The following CCSER1 variants were observed in gnomAD, a reference collection of about 807,000 sequenced individuals.
CCSER1 encodes the protein serine-rich coiled-coil domain-containing protein 1.
A neutral mutation model predicts 82.0 loss-of-function variants in CCSER1; 41 were observed. The ratio of observed to expected loss-of-function variants is 0.50; its 90% CI spans 0.39 to 0.65. The LOEUF is 0.65. CCSER1 is among the 30% of genes least tolerant of loss of function. The pLI, the probability that CCSER1 is intolerant of heterozygous loss-of-function variation, is 0.00. For missense variants in CCSER1, 1,119 were observed against 1,064.2 expected, an observed-to-expected ratio of 1.05 and a Z score of -0.72; for synonymous variants, 414 against 383.9, an observed-to-expected ratio of 1.08 and a Z score of -0.92.
chr4:90,958,858 A>C (rs951257471), intron 9 of CCSER1, among the ~76,000 whole-genome samples: 1 of 152,194 alleles, frequency 6.6e-6, no homozygotes, highest in Non-Finnish European at 1.5e-5. Flanking sequence ...TTGCTCTAGT[A>C]GCCTGAGCAG....
At chr4:91,557,039 T>C (rs1406737210) in intron 10 of CCSER1, among the ~76,000 whole-genome samples, 1 of 150,832 alleles carries the variant, frequency 6.6e-6, no homozygotes, top group East Asian at 1.9e-4. Flanking sequence ...ATAAATGTTT[T>C]CTGTGACACT....
At chr4:90,232,583 A>G (rs977328017) in intron 1 of CCSER1, among the ~76,000 whole-genome samples, 12 of 146,060 alleles carry the variant, frequency 8.2e-5, no homozygotes, top group East Asian at 4.1e-4. Flanking sequence ...CATGTCTAAA[A>G]CACCAAAAGC....
chr4:91,284,706 G>A (rs1263834660), intron 10 of CCSER1, among the ~76,000 whole-genome samples: 1 of 152,008 alleles, frequency 6.6e-6, no homozygotes, highest in Non-Finnish European at 1.5e-5. Flanking sequence ...GACTGCTACA[G>A]CAAGACACCC....
chr4:90,789,125 TCA>T (rs940473407), intron 7 of CCSER1, among the ~76,000 whole-genome samples: 2 of 152,208 alleles, frequency 1.3e-5, no homozygotes, highest in Admixed American at 6.5e-5. Flanking sequence ...CTTTTTACTT[TCA>T]GTTTATTTCT....
At chr4:91,457,705 G>T (rs935534532) in intron 10 of CCSER1, among the ~76,000 whole-genome samples, 1 of 151,822 alleles carries the variant, frequency 6.6e-6, no homozygotes, top group Non-Finnish European at 1.5e-5. Flanking sequence ...TTTTACTTGA[G>T]ATTTTTTTGT....
intron 10 of CCSER1, among the ~76,000 whole-genome samples, chr4:91,202,291 T>G (rs575369356): frequency 3.5e-4 from 53 of 152,042 alleles, no homozygotes; most frequent in African/African-American, 1.2e-3. Context: ...CCCATTTGCA[T>G]GGTGCAAGAT....
chr4:90,787,273 G>T (rs988214286), intron 7 of CCSER1, among the ~76,000 whole-genome samples: 1 of 152,136 alleles, frequency 6.6e-6, no homozygotes, highest in East Asian at 1.9e-4. Flanking sequence ...AAGAAAGAAA[G>T]GAGAGAGATT....
At chr4:90,304,012 G>A (rs1046463359) in intron 1 of CCSER1, among the ~76,000 whole-genome samples, 42 of 151,132 alleles carry the variant, frequency 2.8e-4, no homozygotes, top group East Asian at 7.8e-4. Flanking sequence ...GACACTTCTC[G>A]AAGACATTTA....
intron 5 of CCSER1, among the ~76,000 whole-genome samples, chr4:90,551,441 A>G (rs1777464200): frequency 6.6e-6 from 1 of 151,928 alleles, no homozygotes; most frequent in Non-Finnish European, 1.5e-5. Context: ...CTTTTCTATC[A>G]GCCACAGTAC....
chr4:90,842,463 ATGAAG>A (rs1245837442), intron 8 of CCSER1, among the ~76,000 whole-genome samples: 2 of 152,208 alleles, frequency 1.3e-5, no homozygotes, highest in African/African-American at 2.4e-5. Context: ...TAGTCCAGGG[ATGAAG>A]CAACATCTGG....
At chr4:90,383,620 C>T (rs947969406) in intron 3 of CCSER1, among the ~76,000 whole-genome samples, 6 of 152,108 alleles carry the variant, frequency 3.9e-5, no homozygotes, top group Admixed American at 3.3e-4. Context: ...CGAAGGGAAG[C>T]GTAGTGGAGA....
intron 1 of CCSER1, among the ~76,000 whole-genome samples, chr4:90,303,978 A>G (rs936931172): frequency 2.0e-5 from 3 of 152,222 alleles, no homozygotes; most frequent in Non-Finnish European, 2.9e-5. Flanking sequence ...AACCCCATCA[A>G]AAAGTGGGCG....
At chr4:90,561,730 A>T (rs1778778891) in intron 5 of CCSER1, among the ~76,000 whole-genome samples, 1 of 152,208 alleles carries the variant, frequency 6.6e-6, no homozygotes, top group Admixed American at 6.5e-5. Flanking sequence ...ACCTCTTGGC[A>T]TCACAAATAG....
intron 10 of CCSER1, among the ~76,000 whole-genome samples, chr4:91,222,325 G>A (rs1306719081): frequency 6.6e-6 from 1 of 151,974 alleles, no homozygotes; most frequent in South Asian, 2.1e-4. Flanking sequence ...CTTGAGTTCT[G>A]TAAAACCTCT....
At chr4:90,923,644 C>G in intron 9 of CCSER1, 197 bp downstream of exon 9, 3 of 454,588 alleles carry the variant, frequency 6.6e-6, no homozygotes, top group Non-Finnish European at 1.2e-5. Flanking sequence ...ACTGGCATAC[C>G]AATGCCTTAT....
chr4:91,467,260 C>T lies in CCSER1; in HGVS notation c.2218-131312C>T, dbSNP rs2149439517. Among the ~76,000 whole-genome samples the T allele has an allele frequency of 2.0e-5, 3 of 152,278 alleles. No homozygotes were observed. The Middle Eastern group carries it at 0.01, about 522-fold the overall frequency. On this transcript the variant is annotated intron_variant, in intron 10 of 10. Coordinates refer to ENST00000509176, the MANE Select transcript of CCSER1 (RefSeq NM_001145065.2). ...AAACAAGAAATGGGGAAAGGATTCC[C>T]TATTTAATAAATGGTACTGGGAAAA...
At chr4:91,187,696 C>A (rs187080564) in intron 10 of CCSER1, among the ~76,000 whole-genome samples, 3 of 152,164 alleles carry the variant, frequency 2.0e-5, no homozygotes, top group South Asian at 4.1e-4. Flanking sequence ...GTGTTACAAG[C>A]GTGCTGCTAC....
intron 10 of CCSER1, among the ~76,000 whole-genome samples, chr4:91,295,958 A>C (rs1744127297): frequency 6.6e-6 from 1 of 151,960 alleles, no homozygotes; most frequent in Non-Finnish European, 1.5e-5. Flanking sequence ...TATAGTAACT[A>C]AATAAAGATG....
Position 91,376,189 on chromosome 4 carries a change from C to T in CCSER1, c.2218-222383C>T, listed in dbSNP as rs188375824. 1.2e-4 allele frequency among the ~76,000 whole-genome samples: 19 copies of T among 152,250 alleles called. No homozygotes were observed. In the East Asian group the frequency reaches 3.7e-3, roughly 29 times the overall value. On this transcript the variant is annotated intron_variant, in intron 10 of 10. Transcript: ENST00000509176. The stretch of plus-strand genomic sequence containing the variant: ...TAGGTCAAAGACCCAACAGGAAATA[C>T]AGTCGTGTGTCCCTTAATGACAGAG...
Sources: allele counts gnomAD v4.1 joint callset (sites outside exome capture counted in the v4.1 genomes callset), GRCh38; gene constraint gnomAD v4.1.1; transcripts MANE v1.5; gene names NCBI Gene and HGNC (gene_info 2026-07-23, HGNC 2026-07-21).